The following CTNNA2 variants were observed in gnomAD, a reference collection of about 807,000 sequenced individuals.
CTNNA2 encodes the protein catenin alpha-2.
Under a neutral mutation model 101.0 loss-of-function variants are expected in CTNNA2, and 42 were observed. That is an observed-to-expected ratio of 0.42 (90% CI 0.32 to 0.54). The LOEUF (loss-of-function observed/expected upper bound fraction) is 0.54. CTNNA2 is among the 20% of genes least tolerant of loss of function. The pLI is 0.14. For synonymous variants in CTNNA2, 450 were observed against 456.4 expected (o/e 0.99, Z 0.18); for missense variants, 871 against 1,223.1 (o/e 0.71, Z 4.29).
chr2:80,596,169 ATTG>A (rs981078070), intron 15 of CTNNA2, among the ~76,000 whole-genome samples: 29 of 142,984 alleles, frequency 2.0e-4, no homozygotes, highest in Admixed American at 1.8e-3. Flanking sequence ...CTGCTTGTCT[ATTG>A]TTGATGTGTA....
Position 79,334,391 on chromosome 2 carries a change from A to G in CTNNA2, c.-318+21595A>G, listed in dbSNP as rs151204850. Among the ~76,000 whole-genome samples the G allele has an allele frequency of 1.9e-4, 29 of 152,126 alleles. No homozygotes were observed. The East Asian group carries it at 5.2e-3, about 27-fold the overall frequency. On this transcript the variant is annotated intron_variant, in intron 3 of 21. Transcript: ENST00000466387. ...TGCCAAAAAAAAAAGCTGCCTGTTT[A>G]TTGGATGATGTACAGAAGTTGTAAA...
chr2:80,184,578 G>T (rs768123022), intron 7 of CTNNA2, among the ~76,000 whole-genome samples: 13 of 152,128 alleles, frequency 8.5e-5, no homozygotes, highest in Non-Finnish European at 1.6e-4. Context: ...ACTTAAACTG[G>T]TCTGAAAATG....
At chr2:79,739,878 A>T (rs1422404053) in intron 2 of CTNNA2, among the ~76,000 whole-genome samples, 1 of 152,244 alleles carries the variant, frequency 6.6e-6, no homozygotes, top group Non-Finnish European at 1.5e-5. Context: ...CATAATTCTG[A>T]TACTCACTAA....
At chr2:79,444,154 G>T (rs62157000) in intron 4 of CTNNA2, among the ~76,000 whole-genome samples, 7,000 of 152,082 alleles carry the variant, frequency 0.046, 271 homozygotes, top group East Asian at 0.11. Flanking sequence ...CCTGGTGAGA[G>T]ATCCTAAAAC....
chr2:80,590,429 G>A (rs1182132769), intron 15 of CTNNA2, among the ~76,000 whole-genome samples: 1 of 139,240 alleles, frequency 7.2e-6, no homozygotes, highest in Non-Finnish European at 1.5e-5. Flanking sequence ...TGGTTTTACT[G>A]TAGTGTTTTT....
chr2:80,294,801 CAATA>C (rs1245702258), intron 7 of CTNNA2, among the ~76,000 whole-genome samples: 2 of 152,004 alleles, frequency 1.3e-5, no homozygotes, highest in Non-Finnish European at 2.9e-5. Context: ...GCTAGCTGAG[CAATA>C]GAGAAATAAG....
At chr2:79,930,294 GAGAAAGAAAGAAAGAA>G (rs764326702) in intron 7 of CTNNA2, among the ~76,000 whole-genome samples, 13,817 of 121,850 alleles carry the variant, frequency 0.11, 914 homozygotes, top group East Asian at 0.17. Flanking sequence ...GAGAGAGAAA[GAGAAAGAAAGAAAGAA>G]AGAAAGAAAG....
chr2:80,151,103 A>G (rs1703666412), intron 7 of CTNNA2, among the ~76,000 whole-genome samples: 1 of 152,056 alleles, frequency 6.6e-6, no homozygotes, highest in Admixed American at 6.5e-5. Context: ...TTTATGCCCC[A>G]CTCTCCAGGC....
chr2:79,687,607 A>T, intron 2 of CTNNA2: 1 of 702,864 alleles, frequency 1.4e-6, no homozygotes, highest in Non-Finnish European at 2.6e-6. Context: ...AAATCACATA[A>T]ATCTGTATTG....
At chr2:79,227,197 G>A (rs1674427874) in intron 2 of CTNNA2, among the ~76,000 whole-genome samples, 1 of 152,106 alleles carries the variant, frequency 6.6e-6, no homozygotes, top group Non-Finnish European at 1.5e-5. Flanking sequence ...AAAAAGGAAA[G>A]GTAACTCCTC....
At chr2:80,427,045 G>T (rs1295016497) in intron 9 of CTNNA2, among the ~76,000 whole-genome samples, 1 of 152,044 alleles carries the variant, frequency 6.6e-6, no homozygotes, top group Non-Finnish European at 1.5e-5. Context: ...TTAGGAAAGA[G>T]ATCAGGTCTA....
chr2:79,439,736 C>G (rs980789511), intron 4 of CTNNA2, among the ~76,000 whole-genome samples: 3 of 151,864 alleles, frequency 2.0e-5, no homozygotes, highest in Non-Finnish European at 4.4e-5. Flanking sequence ...GTTTCCTGAC[C>G]AGCAGCATTA....
intron 2 of CTNNA2, among the ~76,000 whole-genome samples, chr2:79,201,957 T>C (rs1282833392): frequency 6.6e-6 from 1 of 152,164 alleles, no homozygotes; most frequent in Non-Finnish European, 1.5e-5. Flanking sequence ...ATTCCATATG[T>C]GTGAGATGTA....
intron 2 of CTNNA2, among the ~76,000 whole-genome samples, chr2:79,277,782 T>C (rs775261487): frequency 6.6e-6 from 1 of 152,058 alleles, no homozygotes; most frequent in Non-Finnish European, 1.5e-5. Flanking sequence ...GGGACCATCA[T>C]CATTACGTTA....
chr2:79,739,734 C>T (rs1025049932), intron 2 of CTNNA2, among the ~76,000 whole-genome samples: 18 of 152,202 alleles, frequency 1.2e-4, no homozygotes, highest in East Asian at 3.9e-4. Context: ...ATCAAACTTA[C>T]GCACAGATAC....
rs1015300044 is a variant in CTNNA2 at position 80,168,455 on chromosome 2, T to G, written c.1057-224756T>G. ...CCTGGAGAAATGCTTTGGTGTCAGA[T>G]GAATGGTACAGTCTTGTCTCAGTGT... On this transcript the variant is annotated intron_variant, in intron 7 of 18. Coordinates refer to ENST00000402739, the MANE Select transcript of CTNNA2 (RefSeq NM_001282597.3). 3.3e-5 allele frequency among the ~76,000 whole-genome samples: 5 copies of G among 152,256 alleles called. No homozygotes were observed. In the East Asian group the frequency reaches 9.7e-4, roughly 29 times the overall value.
chr2:80,298,742 A>T (rs1264694414), intron 7 of CTNNA2: 2 of 152,206 alleles, frequency 1.3e-5, no homozygotes, highest in Non-Finnish European at 2.9e-5. Context: ...AATATTTTTA[A>T]ATGGTTGAGA....
chr2:79,484,793 T>C (rs1309242859), intron 4 of CTNNA2, among the ~76,000 whole-genome samples: 3 of 152,318 alleles, frequency 2.0e-5, no homozygotes, highest in South Asian at 2.1e-4. Flanking sequence ...ATTACTTTCC[T>C]GTCCTCACTC....
At chr2:79,473,421 C>A (rs1161582656) in intron 4 of CTNNA2, among the ~76,000 whole-genome samples, 2 of 152,026 alleles carry the variant, frequency 1.3e-5, no homozygotes, top group African/African-American at 4.8e-5. Flanking sequence ...CTCTCCCTCT[C>A]TCTCACATGT....
Sources: gnomAD v4.1 joint callset for allele counts (sites outside exome capture counted in the v4.1 genomes callset) on GRCh38, gnomAD v4.1.1 for gene constraint, MANE v1.5 for transcripts, NCBI Gene and HGNC (gene_info 2026-07-23, HGNC 2026-07-21) for gene names.